Variants in C1GALT1 observed in about 807,000 individuals in gnomAD.
C1GALT1 encodes the protein glycoprotein-N-acetylgalactosamine 3-beta-galactosyltransferase 1.
C1GALT1 carries 11 observed loss-of-function variants against 31.0 expected under a neutral mutation model. The ratio of observed to expected loss-of-function variants is 0.36; its 90% CI spans 0.22 to 0.59. The LOEUF is 0.59. Ranked by LOEUF, C1GALT1 falls within the 20% of genes least tolerant of loss-of-function variation. The probability of loss-of-function intolerance (pLI) is 0.79; values close to 1 mark genes in which losing one functional copy is unlikely to be tolerated. For missense variants in C1GALT1, 424 were observed against 425.2 expected, an observed-to-expected ratio of 1.00 and a Z score of 0.03; for synonymous variants, 175 against 143.6, an observed-to-expected ratio of 1.22 and a Z score of -1.56.
upstream of C1GALT1, among the ~76,000 whole-genome samples, chr7:7,180,751 G>A (rs186434425): frequency 1.5e-3 from 233 of 152,198 alleles, 2 homozygotes; most frequent in Middle Eastern, 0.01. Context: ...TTAGCTGGGT[G>A]CCACAGCCTG....
At chr7:7,203,282 A>G (rs7803063) in intron 1 of C1GALT1, among the ~76,000 whole-genome samples, 6,073 of 152,116 alleles carry the variant, frequency 0.04, 293 homozygotes, top group African/African-American at 0.12. Flanking sequence ...GCCTTGTTGT[A>G]GATCTTAGAG....
chr7:7,229,384 A>G (rs762519348), intron 1 of C1GALT1, among the ~76,000 whole-genome samples: 2 of 152,148 alleles, frequency 1.3e-5, no homozygotes, highest in Non-Finnish European at 2.9e-5. Flanking sequence ...CACTGCTTCA[A>G]TCGTATTCTG....
intron 2 of C1GALT1, among the ~76,000 whole-genome samples, chr7:7,168,352 A>C (rs1186249433): frequency 6.6e-6 from 1 of 152,172 alleles, no homozygotes; most frequent in Non-Finnish European, 1.5e-5. Context: ...GTAGAAGAGA[A>C]GGAGTTGAGG....
intron 2 of C1GALT1, among the ~76,000 whole-genome samples, chr7:7,173,083 G>A (rs1316371744): frequency 6.6e-6 from 1 of 152,090 alleles, no homozygotes; most frequent in African/African-American, 2.4e-5. Context: ...CTCTTTGCCT[G>A]AATCTCATGT....
At chr7:7,229,319 A>G (rs1171012909) in intron 1 of C1GALT1, among the ~76,000 whole-genome samples, 3 of 152,182 alleles carry the variant, frequency 2.0e-5, no homozygotes, top group Non-Finnish European at 4.4e-5. Flanking sequence ...AGTGTTAGTG[A>G]GAGAATCAGA....
At chr7:7,180,982 T>C (rs1198539294), upstream of C1GALT1, among the ~76,000 whole-genome samples, 4 of 152,204 alleles carry the variant, frequency 2.6e-5, no homozygotes, top group Non-Finnish European at 2.9e-5. Context: ...GTATTGTTTC[T>C]AGCAAGTAAT....
chr7:7,183,112 C>CGCTCGCGCCCCTCTTCT (rs1583737213), intron 1 of C1GALT1, among the ~76,000 whole-genome samples: 1 of 152,100 alleles, frequency 6.6e-6, no homozygotes, highest in East Asian at 1.9e-4. Flanking sequence ...CCCTTGTGCC[C>CGCTCGCGCCCCTCTTCT]GCTCGCGCCC....
At chr7:7,215,926 G>A (rs1486319148) in intron 1 of C1GALT1, among the ~76,000 whole-genome samples, 1 of 152,092 alleles carries the variant, frequency 6.6e-6, no homozygotes, top group Non-Finnish European at 1.5e-5. Flanking sequence ...AATGAGCAGG[G>A]AACTTGAAGG....
Position 7,238,423 on chromosome 7 carries a change from C to T in C1GALT1, c.389C>T (p.Pro130Leu). ...AGTTCAGAAGAAAATAAAGACTTCC[C>T]TGCTGTGGGACTGAAAACCAAAGAA... ...FMSSEENKDF[P>L]AVGLKTKEGR... Residue 130 changes from proline to leucine, a missense_variant, in exon 3 of 4, where the codon CCT (proline) becomes CTT (leucine). Physicochemically the swap from Pro to Leu is moderately conservative, Grantham distance 98 (BLOSUM62 -3). This residue lies in a region of C1GALT1 where 189 missense variants were observed against 158.2 expected (regional missense o/e 1.19). Transcript: ENST00000436587. The surrounding 1 kb of genome is among the most constrained non-coding windows in gnomAD (Gnocchi z 5.2). 2 of 1,613,970 alleles carry T rather than the reference C, an allele frequency of 1.2e-6. No homozygotes were observed. The highest frequency in any genetic ancestry group is 1.7e-6 in the Non-Finnish European group (2 of 1,179,964).
intron 2 of C1GALT1, among the ~76,000 whole-genome samples, chr7:7,170,628 T>C (rs1212754897): frequency 6.6e-6 from 1 of 151,970 alleles, no homozygotes; most frequent in Non-Finnish European, 1.5e-5. Context: ...ACTAAAAATA[T>C]GAAAATTAGC....
At chr7:7,231,034 A>G (rs973400423) in intron 1 of C1GALT1, among the ~76,000 whole-genome samples, 25 of 152,294 alleles carry the variant, frequency 1.6e-4, no homozygotes, top group African/African-American at 5.8e-4. Context: ...TGCCTGAAGA[A>G]TTAGAAATAG....
At chr7:7,162,207 T>C (rs1309396793) in intron 2 of C1GALT1, among the ~76,000 whole-genome samples, 1 of 151,276 alleles carries the variant, frequency 6.6e-6, no homozygotes, top group Non-Finnish European at 1.5e-5. Context: ...GCTGGTGTGC[T>C]GCACCCATTA....
upstream of C1GALT1, among the ~76,000 whole-genome samples, chr7:7,180,344 T>C (rs1426216557): frequency 6.6e-6 from 1 of 152,252 alleles, no homozygotes; most frequent in African/African-American, 2.4e-5. Flanking sequence ...AGGAGATAAT[T>C]GCACAATTGT....
chr7:7,162,309 C>T (rs1780342547), intron 2 of C1GALT1, among the ~76,000 whole-genome samples: 1 of 130,678 alleles, frequency 7.7e-6, no homozygotes, highest in African/African-American at 2.9e-5. Flanking sequence ...TGTTCCCTTT[C>T]CTGTGTCCAT....
chr7:7,199,270 T>C (rs1426429397), intron 1 of C1GALT1, among the ~76,000 whole-genome samples: 1 of 152,228 alleles, frequency 6.6e-6, no homozygotes, highest in South Asian at 2.1e-4. Context: ...GAACATCTTT[T>C]ATTTCTGCCT....
At chr7:7,216,140 G>A (rs1488389883) in intron 1 of C1GALT1, among the ~76,000 whole-genome samples, 1 of 152,128 alleles carries the variant, frequency 6.6e-6, no homozygotes, top group African/African-American at 2.4e-5. Context: ...TGAGGTTAAG[G>A]AAGTTCCAGT....
intron 2 of C1GALT1, among the ~76,000 whole-genome samples, chr7:7,161,494 C>G (rs1780333600): frequency 6.6e-6 from 1 of 152,088 alleles, no homozygotes; most frequent in Non-Finnish European, 1.5e-5. Flanking sequence ...AAATTTTTGT[C>G]AGTCCACTTT....
chr7:7,218,400 T>A (rs1554294439), intron 1 of C1GALT1, among the ~76,000 whole-genome samples: 1 of 152,182 alleles, frequency 6.6e-6, no homozygotes, highest in Non-Finnish European at 1.5e-5. Flanking sequence ...GACTGTTAGG[T>A]GAAGTCTCTA....
intron 1 of C1GALT1, among the ~76,000 whole-genome samples, chr7:7,226,127 A>G (rs1782748957): frequency 6.6e-6 from 1 of 152,182 alleles, no homozygotes; most frequent in Non-Finnish European, 1.5e-5. Flanking sequence ...AATTTCTAAC[A>G]TGGTACCTCA....
Sources: allele counts gnomAD v4.1 joint callset (sites outside exome capture counted in the v4.1 genomes callset), GRCh38; gene constraint gnomAD v4.1.1; regional missense constraint gnomAD v4.1.1; non-coding constraint Gnocchi (gnomAD v3.1); transcripts MANE v1.5; gene names NCBI Gene and HGNC (gene_info 2026-07-23, HGNC 2026-07-21).